CHRM3: variants seen among roughly 807,000 people sequenced by gnomAD.
CHRM3 encodes cholinergic receptor muscarinic 3.
CHRM3 carries 11 observed loss-of-function variants against 41.8 expected under a neutral mutation model. The ratio of observed to expected loss-of-function variants is 0.26; its 90% CI spans 0.17 to 0.44. The LOEUF is 0.44. CHRM3 is among the 20% of genes least tolerant of loss of function. CHRM3 has a pLI of 1.00. For synonymous variants in CHRM3, 297 were observed against 301.4 expected (o/e 0.99, Z 0.15); for missense variants, 571 against 745.4 (o/e 0.77, Z 2.72).
intron 1 of CHRM3, among the ~76,000 whole-genome samples, chr1:239,412,034 T>C (rs1661114900): frequency 6.6e-6 from 1 of 151,664 alleles, no homozygotes; most frequent in South Asian, 2.1e-4. Flanking sequence ...ATAAATCTCT[T>C]TCTTTATACT....
chr1:239,657,649 C>T (rs988158756), intron 4 of CHRM3, among the ~76,000 whole-genome samples: 1 of 152,134 alleles, frequency 6.6e-6, no homozygotes, highest in Non-Finnish European at 1.5e-5. Context: ...TTCCCTCCAT[C>T]GGAAATATCT....
At chr1:239,861,274 G>T (rs1675616299) in intron 6 of CHRM3, among the ~76,000 whole-genome samples, 5 of 152,086 alleles carry the variant, frequency 3.3e-5, no homozygotes, top group Admixed American at 3.3e-4. Flanking sequence ...GAAGGCAAGT[G>T]TTTTGGTGAT....
chr1:239,450,228 C>T (rs940913609), intron 1 of CHRM3, among the ~76,000 whole-genome samples: 1 of 152,104 alleles, frequency 6.6e-6, no homozygotes, highest in Non-Finnish European at 1.5e-5. Flanking sequence ...AACTTAAGTA[C>T]CTTGTGGAAA....
At chr1:239,583,035 A>T (rs891522622) in intron 3 of CHRM3, among the ~76,000 whole-genome samples, 1 of 152,160 alleles carries the variant, frequency 6.6e-6, no homozygotes, top group African/African-American at 2.4e-5. Context: ...CTTCAATGCC[A>T]GCCACCATCT....
intron 4 of CHRM3, among the ~76,000 whole-genome samples, chr1:239,652,662 C>G (rs922895154): frequency 5.3e-5 from 8 of 151,790 alleles, no homozygotes; most frequent in Admixed American, 3.9e-4. Context: ...GATTTAACTG[C>G]AGGCACGGAC....
intron 3 of CHRM3, among the ~76,000 whole-genome samples, chr1:239,609,360 A>G (rs1292144837): frequency 6.6e-6 from 1 of 152,176 alleles, no homozygotes; most frequent in South Asian, 2.1e-4. Flanking sequence ...GTACTACTCC[A>G]TTATGCCTAT....
intron 5 of CHRM3, among the ~76,000 whole-genome samples, chr1:239,755,781 T>G (rs1666192165): frequency 6.6e-6 from 1 of 152,076 alleles, no homozygotes; most frequent in Non-Finnish European, 1.5e-5. Context: ...GCCAGAGTGG[T>G]TTGCAGCACA....
intron 5 of CHRM3, among the ~76,000 whole-genome samples, chr1:239,690,024 G>C (rs1189323301): frequency 6.7e-6 from 1 of 148,576 alleles, no homozygotes; most frequent in Admixed American, 6.8e-5. Flanking sequence ...AAAACAGAGA[G>C]AGAGAGACAG....
At chr1:239,621,171 G>A (rs1572969168) in intron 3 of CHRM3, among the ~76,000 whole-genome samples, 1 of 152,212 alleles carries the variant, frequency 6.6e-6, no homozygotes, top group South Asian at 2.1e-4. Flanking sequence ...ATTGTATTGA[G>A]ATGCCATAAA....
chr1:239,659,749 G>A (rs768114076), intron 4 of CHRM3, among the ~76,000 whole-genome samples: 3 of 152,184 alleles, frequency 2.0e-5, no homozygotes. Flanking sequence ...CCAAAGGATA[G>A]TGCATAACTG....
At chr1:239,763,643 G>A (rs1052931658) in intron 5 of CHRM3, among the ~76,000 whole-genome samples, 1 of 152,018 alleles carries the variant, frequency 6.6e-6, no homozygotes, top group Non-Finnish European at 1.5e-5. Flanking sequence ...CTGGAGATCT[G>A]CCCCCACCCC....
At chr1:239,884,335 G>A (rs1455208785) in intron 6 of CHRM3, among the ~76,000 whole-genome samples, 1 of 152,184 alleles carries the variant, frequency 6.6e-6, no homozygotes, top group Non-Finnish European at 1.5e-5. Flanking sequence ...TTGAATTGAT[G>A]TAGTTATAAG....
intron 6 of CHRM3, among the ~76,000 whole-genome samples, chr1:239,863,740 A>AAGGG (rs59300931): frequency 0.082 from 12,432 of 152,086 alleles, 664 homozygotes; most frequent in African/African-American, 0.16. Flanking sequence ...ACAAAGAAGA[A>AAGGG]AGGGAGGGAA....
At chr1:239,523,434 AT>A (rs1001055684) in intron 2 of CHRM3, among the ~76,000 whole-genome samples, 2 of 152,154 alleles carry the variant, frequency 1.3e-5, no homozygotes, top group South Asian at 4.1e-4. Context: ...CTCAGCAGTG[AT>A]TTTTTACAAG....
intron 3 of CHRM3, among the ~76,000 whole-genome samples, chr1:239,606,564 G>A (rs1193521702): frequency 1.3e-5 from 2 of 152,132 alleles, no homozygotes; most frequent in Non-Finnish European, 2.9e-5. Flanking sequence ...GTGAGCCATC[G>A]CGCCTGACCG....
At chr1:239,877,929 C>T (rs486308) in intron 6 of CHRM3, among the ~76,000 whole-genome samples, 72,676 of 149,232 alleles carry the variant, frequency 0.49, 19,923 homozygotes, top group Non-Finnish European at 0.6. Context: ...CTCGCTCTAT[C>T]GCCCAGGCTG....
chr1:239,780,858 C>A (rs1022613576), intron 5 of CHRM3, among the ~76,000 whole-genome samples: 6 of 151,642 alleles, frequency 4.0e-5, no homozygotes, highest in African/African-American at 1.2e-4. Context: ...TCGAGTCGTT[C>A]CAGTTGTGGA....
intron 1 of CHRM3, among the ~76,000 whole-genome samples, chr1:239,402,989 A>G (rs980323847): frequency 1.3e-5 from 2 of 152,294 alleles, no homozygotes; most frequent in African/African-American, 4.8e-5. Flanking sequence ...AGATTAGTTA[A>G]ATTTACGGAT....
rs1284973530 is a variant in CHRM3 at position 239,505,293 on chromosome 1, GAT to G, written c.-422+12487_-422+12488del. 6.1e-3 allele frequency among the ~76,000 whole-genome samples: 933 copies of G among 151,786 alleles called. 12 individuals are homozygous for G. Among genetic ancestry groups the G allele is most frequent in the East Asian group, 0.011 (59 of 5,132 alleles). On this transcript the variant is annotated intron_variant, in intron 2 of 6. Coordinates refer to ENST00000676153, the MANE Select transcript of CHRM3 (RefSeq NM_001375978.1). ...TGATGATGATGATGATGATGATGATGATGATGATGATGATTGATATGGTTTGG... is the reference window on the plus strand; with the variant it reads ...TGATGATGATGATGATGATGATGATGGATGATGATGATTGATATGGTTTGG...
Sources: gnomAD v4.1 joint callset for allele counts (sites outside exome capture counted in the v4.1 genomes callset) on GRCh38, gnomAD v4.1.1 for gene constraint, MANE v1.5 for transcripts, NCBI Gene and HGNC (gene_info 2026-07-23, HGNC 2026-07-21) for gene names.